EIF2B3: variants seen among roughly 807,000 people sequenced by gnomAD.
The protein encoded by EIF2B3 is translation initiation factor eIF2B subunit gamma.
A neutral mutation model predicts 54.1 loss-of-function variants in EIF2B3; 20 were observed. The observed-to-expected ratio is 0.37, with a 90% CI of 0.26 to 0.54. EIF2B3 has a LOEUF of 0.54. EIF2B3 is among the 20% of genes least tolerant of loss of function. The pLI is 0.86. For missense variants in EIF2B3, 448 were observed against 547.8 expected, an observed-to-expected ratio of 0.82 and a Z score of 1.82; for synonymous variants, 153 against 188.1, an observed-to-expected ratio of 0.81 and a Z score of 1.52.
At chr1:44,964,308 A>T (rs1644315036) in intron 3 of EIF2B3, among the ~76,000 whole-genome samples, 2 of 152,142 alleles carry the variant, frequency 1.3e-5, no homozygotes, top group Admixed American at 1.3e-4. Flanking sequence ...CCACTTAATA[A>T]AGTCTTTAAG....
rs958554940 is a variant in EIF2B3 at position 44,958,626 on chromosome 1, T to C, written c.295-16961A>G. 2.6e-6 allele frequency: 4 copies of C among 1,540,680 alleles called. No homozygotes were observed. The African/African-American group carries it at 5.4e-5, about 21-fold the overall frequency. The stretch of plus-strand genomic sequence containing the variant: ...TGGCATCAAACTCTATGGCTATGCA[T>C]GGGTCACTGCCTGCTCTCACATATT... On this transcript the variant is annotated intron_variant, in intron 3 of 11. Transcript: ENST00000360403.
At chr1:44,984,367 C>A (rs1644546747) in intron 1 of EIF2B3, among the ~76,000 whole-genome samples, 1 of 151,458 alleles carries the variant, frequency 6.6e-6, no homozygotes, top group African/African-American at 2.4e-5. Context: ...TGCCTGTAGT[C>A]CCAGATACTC....
chr1:44,958,791 G>A, intron 3 of EIF2B3: 7 of 1,367,226 alleles, frequency 5.1e-6, no homozygotes, highest in Non-Finnish European at 7.3e-6. Context: ...GGTATTGGCA[G>A]GACTGCGACA....
intron 4 of EIF2B3, among the ~76,000 whole-genome samples, chr1:44,932,667 A>G (rs1011073143): frequency 3.3e-5 from 5 of 152,192 alleles, no homozygotes; most frequent in Admixed American, 6.5e-5. Flanking sequence ...AGAGGAAAAA[A>G]GTGTTTCATG....
chr1:44,865,520 G>T (rs1025944698), intron 10 of EIF2B3, among the ~76,000 whole-genome samples: 1 of 151,480 alleles, frequency 6.6e-6, no homozygotes, highest in Non-Finnish European at 1.5e-5. Context: ...TCAATTTGGT[G>T]AGCTTTAAGG....
rs778945531 is a variant in EIF2B3, at chr1:44,978,325, G to T, written c.284C>A (p.Pro95Gln). ...GTADSLRYIY[P>Q]KLKTDVLVLS... ...AAAATTGCTTTTCACCTTAAGTTTT[G>T]GATATATGTAGCGCAAAGAATCTGC... Residue 95 changes from proline to glutamine, a missense_variant, in exon 3 of 12, where the codon CCA becomes CAA. By Grantham distance (76) the Pro-to-Gln change is moderately conservative (BLOSUM62 -1). This residue lies in a region of EIF2B3 where 3 missense variants were observed against 17.9 expected (regional missense o/e 0.17). Transcript: ENST00000360403. 1 of 1,613,936 alleles carries T rather than the reference G, an allele frequency of 6.2e-7. No individual in the cohort carries two copies. The highest frequency in any genetic ancestry group is 2.2e-5 in the East Asian group (1 of 44,870).
Position 44,966,717 on chromosome 1 carries a change from C to A in EIF2B3, c.294+11598G>T, listed in dbSNP as rs190905951. ...AACAGAAAACAATTACAGTCAAATC[C>A]TATACAAAGTTATTATCAAAAAAGA... On this transcript the variant is annotated intron_variant, in intron 3 of 11. Coordinates refer to ENST00000360403, the MANE Select transcript of EIF2B3 (RefSeq NM_020365.5). Among the ~76,000 whole-genome samples the A allele has an allele frequency of 1.7e-3, 266 of 152,180 alleles. 1 individual carries two copies. Among genetic ancestry groups the A allele is most frequent in the African/African-American group, 6.1e-3 (253 of 41,546 alleles).
Position 44,881,200 on chromosome 1 carries a change from G to A in EIF2B3, c.784+412C>T, listed in dbSNP as rs532829338. ...ATCCTGGCACGGAGACACCTGGGTT[G>A]GCCTGTGGTTGGACTGCAATTGTAC... On this transcript the variant is annotated intron_variant, in intron 7 of 11. Transcript: ENST00000360403. The surrounding 1 kb of genome is among the most constrained non-coding windows in gnomAD (Gnocchi z 4.0). 2.9e-4 allele frequency among the ~76,000 whole-genome samples: 44 copies of A among 152,196 alleles called. No homozygotes were observed. The highest frequency in any genetic ancestry group is 3.2e-3 in the Middle Eastern group (1 of 316).
intron 3 of EIF2B3, among the ~76,000 whole-genome samples, chr1:44,955,146 G>A (rs747701391): frequency 2.2e-4 from 34 of 152,024 alleles, no homozygotes; most frequent in Admixed American, 8.5e-4. Flanking sequence ...TAACCAAAAC[G>A]GCATGGTACT....
chr1:44,855,749 G>T (rs1021059884), intron 11 of EIF2B3, among the ~76,000 whole-genome samples: 3 of 152,074 alleles, frequency 2.0e-5, no homozygotes, highest in African/African-American at 4.8e-5. Context: ...TAGAGACGGG[G>T]TTTCACCATG....
Position 44,917,796 on chromosome 1 carries a change from C to T in EIF2B3, c.566+8832G>A, listed in dbSNP as rs145270795. Among the ~76,000 whole-genome samples, 337 of 77,668 alleles carry T rather than the reference C, an allele frequency of 4.3e-3. 1 individual carries two copies. The highest frequency in any genetic ancestry group is 0.015 in the African/African-American group (293 of 20,002). 51.0% of individuals were successfully genotyped at this position (77,668 alleles called of 152,430 possible). ...TTTTTTTTTTTTTTTTTTTTTGAGA[C>T]GGAGTCTTCCTCTGTTGCCCAGGCT... On this transcript the variant is annotated intron_variant, in intron 5 of 11. Coordinates refer to ENST00000360403, the MANE Select transcript of EIF2B3 (RefSeq NM_020365.5).
At chr1:44,933,814 C>A (rs1643918482) in intron 4 of EIF2B3, among the ~76,000 whole-genome samples, 1 of 152,090 alleles carries the variant, frequency 6.6e-6, no homozygotes, top group Non-Finnish European at 1.5e-5. Context: ...AAAAACAAGA[C>A]AAACACTTGG....
At chr1:44,851,488 G>A (rs191779268) in intron 11 of EIF2B3, among the ~76,000 whole-genome samples, 11 of 152,324 alleles carry the variant, frequency 7.2e-5, no homozygotes, top group Non-Finnish European at 7.3e-5. Flanking sequence ...GCAGGAGGAT[G>A]GGACCAACTG....
intron 4 of EIF2B3, among the ~76,000 whole-genome samples, chr1:44,928,993 C>T (rs1643875772): frequency 6.6e-6 from 1 of 152,136 alleles, no homozygotes; most frequent in African/African-American, 2.4e-5. Flanking sequence ...CTCTCTTCCT[C>T]AGTTTCATCT....
At position 44,851,020 on chromosome 1, in the gene EIF2B3, A is replaced by G; in HGVS notation, c.1307-17T>C. On this transcript the variant is annotated splice_polypyrimidine_tract_variant and intron_variant, in intron 11 of 11. Transcript: ENST00000360403. ...CTCGTTTAGCTACAAAAGAAAAGGAAAAAAGTTTTCTGAGAACTGGCAGCA... is the reference window on the plus strand; with the variant it reads ...CTCGTTTAGCTACAAAAGAAAAGGAGAAAAGTTTTCTGAGAACTGGCAGCA... 1 of 1,613,280 alleles carries G rather than the reference A, an allele frequency of 6.2e-7. No individual in the cohort carries two copies. The highest frequency in any genetic ancestry group is 8.5e-7 in the Non-Finnish European group (1 of 1,179,944).
At chr1:44,868,693 T>G (rs1240366107) in intron 10 of EIF2B3, among the ~76,000 whole-genome samples, 1 of 152,118 alleles carries the variant, frequency 6.6e-6, no homozygotes, top group Non-Finnish European at 1.5e-5. Context: ...GGGAAAATTA[T>G]GCCATTGTCT....
chr1:44,882,618 A>ATT (rs747962035), intron 6 of EIF2B3, among the ~76,000 whole-genome samples: 9 of 126,716 alleles, frequency 7.1e-5, no homozygotes, highest in Admixed American at 1.6e-4. Flanking sequence ...TGCCTGGCTA[A>ATT]TTTTTTTTTT....
intron 2 of EIF2B3, among the ~76,000 whole-genome samples, chr1:44,980,719 C>T (rs1644502810): frequency 6.6e-6 from 1 of 152,026 alleles, no homozygotes; most frequent in Non-Finnish European, 1.5e-5. Flanking sequence ...TTACCTGGTA[C>T]ATAATAGATT....
chr1:44,942,604 T>C (rs1049236403), intron 3 of EIF2B3, among the ~76,000 whole-genome samples: 1 of 147,552 alleles, frequency 6.8e-6, no homozygotes, highest in African/African-American at 2.5e-5. Context: ...ATTTTTACAT[T>C]TTTTGTAGAG....
Sources: allele counts gnomAD v4.1 joint callset (sites outside exome capture counted in the v4.1 genomes callset), GRCh38; gene constraint gnomAD v4.1.1; regional missense constraint gnomAD v4.1.1; non-coding constraint Gnocchi (gnomAD v3.1); transcripts MANE v1.5; gene names NCBI Gene and HGNC (gene_info 2026-07-23, HGNC 2026-07-21).